The following ANGEL1 variants were observed in gnomAD, a reference collection of about 807,000 sequenced individuals.
The protein encoded by ANGEL1 is angel homolog 1, also known as RNA 2',3'-cyclic phosphatase ANGEL1.
Under a neutral mutation model 76.4 loss-of-function variants are expected in ANGEL1, and 62 were observed. That is an observed-to-expected ratio of 0.81 (90% CI 0.66 to 1.00). The LOEUF (loss-of-function observed/expected upper bound fraction) is 1.00. Ranked by LOEUF, ANGEL1 falls within the 50% of genes least tolerant of loss-of-function variation. The pLI, the probability that ANGEL1 is intolerant of heterozygous loss-of-function variation, is 0.00. For missense variants in ANGEL1, 737 were observed against 836.7 expected (o/e 0.88, Z 1.47); for synonymous variants, 340 against 331.7 (o/e 1.03, Z -0.27).
At chr14:76,797,601 A>G (rs775798159) in intron 7 of ANGEL1, among the ~76,000 whole-genome samples, 2 of 151,408 alleles carry the variant, frequency 1.3e-5, no homozygotes, top group Non-Finnish European at 3.0e-5. Context: ...CTCCGTCTCG[A>G]AAAAAAAAGA....
In ANGEL1 at chr14:76,809,312, T is replaced by C. The variant is rs1441919373; in HGVS notation, c.396A>G (p.Gly132=). The C allele has an allele frequency of 1.9e-6, 3 of 1,614,168 alleles. No homozygotes were observed. The highest frequency in any genetic ancestry group is 2.5e-6 in the Non-Finnish European group (3 of 1,180,010). Residue 132 remains glycine, a synonymous_variant, in exon 2 of 10, where the codon GGA becomes GGG. Transcript: ENST00000251089. The part of the protein sequence containing the change: ...NLDEPFPEML[G]EEPLLEVEGV... ...CCTCCACCTCCAGCAGTGGCTCCTC[T>C]CCTAGCATCTCAGGGAAAGGCTCAT...
At position 76,789,066 on chromosome 14, in the gene ANGEL1, A is replaced by C; in HGVS notation, c.*162T>G. On this transcript the variant is annotated 3_prime_UTR_variant, in exon 10 of 10. Transcript: ENST00000251089. Reference sequence around the variant, plus strand: ...AGGACCACAGGCAGAGAACGCAGCCAGGCCTGGAGAAAGTCTAACCGTGGG... The same window carrying C: ...AGGACCACAGGCAGAGAACGCAGCCCGGCCTGGAGAAAGTCTAACCGTGGG... 1.0e-6 allele frequency: 1 copy of C among 965,348 alleles called. No homozygotes were observed. Among genetic ancestry groups the C allele is most frequent in the Non-Finnish European group, 1.5e-6 (1 of 649,226 alleles). 59.8% of individuals were successfully genotyped at this position (965,348 alleles called of 1,614,324 possible).
At chr14:76,806,150 T>C (rs1894910903) in intron 5 of ANGEL1, among the ~76,000 whole-genome samples, 1 of 152,204 alleles carries the variant, frequency 6.6e-6, no homozygotes, top group Non-Finnish European at 1.5e-5. Flanking sequence ...CTGTATAATG[T>C]TTAAGTTCCT....
Position 76,809,548 on chromosome 14 carries a change from G to A in ANGEL1, c.160C>T (p.Gln54Ter). The A allele has an allele frequency of 6.2e-7, 1 of 1,614,210 alleles. No individual in the cohort carries two copies. Among genetic ancestry groups the A allele is most frequent in the Non-Finnish European group, 8.5e-7 (1 of 1,180,048 alleles). ...TGCAGCAGGCCCTCACATTCCTCCT[G>A]CTCAGGGCCCCGAGGGGCCATGGCA... ...DFAMAPRGPE[Q>*]EECEGLLQQW... Residue 54 changes from glutamine to a stop codon, truncating the protein, a stop_gained, in exon 2 of 10, where the codon CAG (glutamine) becomes TAG (stop). Coordinates refer to ENST00000251089, the MANE Select transcript of ANGEL1 (RefSeq NM_015305.4). LOFTEE classifies it high-confidence loss of function.
chr14:76,807,894 A>G (rs769704837), intron 3 of ANGEL1, 28 bp downstream of exon 3: 16 of 1,610,742 alleles, frequency 9.9e-6, no homozygotes, highest in Non-Finnish European at 1.4e-5. Context: ...GCAACAATGC[A>G]AGATGGCAAT....
chr14:76,788,314 G>A lies in ANGEL1; in HGVS notation c.*914C>T, dbSNP rs185452587. The A allele has an allele frequency of 9.2e-5, 14 of 152,348 alleles. No individual in the cohort carries two copies. The highest frequency in any genetic ancestry group is 9.1e-4 in the Admixed American group (14 of 15,304). 9.4% of individuals were successfully genotyped at this position (152,348 alleles called of 1,614,324 possible). A position where few individuals can be genotyped will look rare whatever the true frequency, so the allele number is the denominator to read the frequency against. On this transcript the variant is annotated 3_prime_UTR_variant, in exon 10 of 10. Coordinates refer to ENST00000251089, the MANE Select transcript of ANGEL1 (RefSeq NM_015305.4). Reference sequence around the variant, plus strand: ...GAGTCCAGTGAAACAAGAGTTTCCTGAAGACTCTTTCTCCTCCTAATCCTT... The same window carrying A: ...GAGTCCAGTGAAACAAGAGTTTCCTAAAGACTCTTTCTCCTCCTAATCCTT...
At chr14:76,803,647 C>T in intron 6 of ANGEL1, 139 bp downstream of exon 6, 1 of 1,392,542 alleles carries the variant, frequency 7.2e-7, no homozygotes, top group East Asian at 2.3e-5. Flanking sequence ...CATTGGACAG[C>T]CATTGGGAGG....
At chr14:76,808,211 C>G (rs1468999117) in intron 2 of ANGEL1, 63 bp from the exon 3 acceptor site, 2 of 1,373,580 alleles carry the variant, frequency 1.5e-6, no homozygotes, top group African/African-American at 2.9e-5. Context: ...GCTGCCATCT[C>G]CACTCCTGAC....
intron 5 of ANGEL1, among the ~76,000 whole-genome samples, chr14:76,805,679 G>T (rs1894898409): frequency 6.6e-6 from 1 of 152,156 alleles, no homozygotes; most frequent in Non-Finnish European, 1.5e-5. Flanking sequence ...AAAAAAACAA[G>T]CTACAAATGA....
chr14:76,792,907 G>C (rs1159842472), intron 7 of ANGEL1, among the ~76,000 whole-genome samples: 1 of 152,054 alleles, frequency 6.6e-6, no homozygotes, highest in East Asian at 1.9e-4. Context: ...AATTATGAAA[G>C]AAAAAGAAAT....
intron 7 of ANGEL1, among the ~76,000 whole-genome samples, chr14:76,794,515 C>CA (rs1181456912): frequency 6.6e-6 from 1 of 151,742 alleles, no homozygotes; most frequent in African/African-American, 2.4e-5. Context: ...ACTAAAAATA[C>CA]AAAAAATCAG....
intron 7 of ANGEL1, among the ~76,000 whole-genome samples, chr14:76,797,046 A>T (rs1894600606): frequency 1.3e-5 from 2 of 152,050 alleles, no homozygotes; most frequent in Admixed American, 6.6e-5. Context: ...GTTATACAGG[A>T]CTCAAGGCTT....
intron 1 of ANGEL1, chr14:76,812,473 G>A (rs1341337781): frequency 9.1e-6 from 11 of 1,204,700 alleles, no homozygotes; most frequent in African/African-American, 1.6e-5. Context: ...CCCAGGGCCA[G>A]GAAAGGGCCC....
At position 76,790,674 on chromosome 14, in the gene ANGEL1, G is replaced by C. The variant is rs750653385; in HGVS notation, c.1789C>G (p.Leu597Val). 1.9e-6 allele frequency: 3 copies of C among 1,614,104 alleles called. No individual in the cohort carries two copies. The South Asian group carries it at 3.3e-5, about 18-fold the overall frequency. ...AAGATGTAATCTACTGTCATTCCAA[G>C]ACCCAATGGCATTGTAGTGACCTCT... ...RPEVTTMPLGLGMTVDYIFFS... is the reference protein window; with the variant it reads ...RPEVTTMPLGVGMTVDYIFFS... Residue 597 changes from leucine to valine, a missense_variant, in exon 9 of 10, where the codon CTT becomes GTT. This residue lies in a region of ANGEL1 where 296 missense variants were observed against 387.2 expected (regional missense o/e 0.76). Coordinates refer to ENST00000251089, the MANE Select transcript of ANGEL1 (RefSeq NM_015305.4).
chr14:76,797,290 C>T (rs908761622), intron 7 of ANGEL1, among the ~76,000 whole-genome samples: 7 of 152,172 alleles, frequency 4.6e-5, no homozygotes, highest in African/African-American at 1.4e-4. Flanking sequence ...CTAAAAAGAA[C>T]TTTTCTGCTT....
Position 76,790,621 on chromosome 14 carries a change from C to G in ANGEL1, c.1842G>C (p.Gly614=), listed in dbSNP as rs752210142. The part of the protein sequence containing the change: ...IFFSAESCEN[G]NRTDHRLYRD... ...ATCCATCAGGCTTACCAGTTCTGTT[C>G]CCATTCTCACAGGACTCAGCTGAGA... The change falls in exon 9 of 10, where the codon GGG becomes GGC. Residue 614 remains glycine (G), a synonymous_variant. Coordinates refer to ENST00000251089, the MANE Select transcript of ANGEL1 (RefSeq NM_015305.4). 2.2e-5 allele frequency: 35 copies of G among 1,613,290 alleles called. No homozygotes were observed. The highest frequency in any genetic ancestry group is 3.0e-5 in the Non-Finnish European group (35 of 1,179,490).
In ANGEL1 at chr14:76,791,310, G is replaced by A; in HGVS notation, c.1675C>T (p.Pro559Ser). Residue 559 changes from proline to serine, a missense_variant, in exon 8 of 10, where the codon CCT (proline) becomes TCT (serine). Pro to Ser is a moderately conservative substitution (Grantham distance 74). Around this residue, in one of 2 missense-constraint regions of ANGEL1, gnomAD observed 296 missense variants for 387.2 expected, o/e 0.76. Transcript: ENST00000251089. The part of the protein sequence containing the change: ...VLEEDASELE[P>S]AFSRTVGTIQ... ...GGAGAAGGTTACCTGGAGAAGGCAG[G>A]CTCAAGCTCCGATGCATCTTCCTCA... 6.2e-7 allele frequency: 1 copy of A among 1,614,040 alleles called. No individual in the cohort carries two copies. The highest frequency in any genetic ancestry group is 8.5e-7 in the Non-Finnish European group (1 of 1,179,966).
At chr14:76,794,223 AC>A (rs1224798683) in intron 7 of ANGEL1, among the ~76,000 whole-genome samples, 1 of 152,162 alleles carries the variant, frequency 6.6e-6, no homozygotes, top group Admixed American at 6.5e-5. Context: ...TGGTCACACA[AC>A]CCGGAATATA....
In ANGEL1 at chr14:76,809,455, C is replaced by G. The variant is rs1566702268; in HGVS notation, c.253G>C (p.Gly85Arg). The G allele has an allele frequency of 3.1e-6, 5 of 1,614,096 alleles. No homozygotes were observed. Among genetic ancestry groups the G allele is most frequent in the Non-Finnish European group, 4.2e-6 (5 of 1,180,038 alleles). The change falls in exon 2 of 10, where the codon GGA becomes CGA. Residue 85 changes from glycine (G) to arginine (R), a missense_variant. Around this residue, in one of 2 missense-constraint regions of ANGEL1, gnomAD observed 441 missense variants for 449.5 expected, o/e 0.98. Transcript: ENST00000251089. The part of the protein sequence containing the change: ...TASEGPLIDK[G>R]LAQSSLALLM... ...AGTGCCAGGCTGCTCTGGGCTAGTC[C>G]TTTATCTATAAGGGGCCCCTCACTT...
Sources: allele counts gnomAD v4.1 joint callset (sites outside exome capture counted in the v4.1 genomes callset), GRCh38; gene constraint gnomAD v4.1.1; regional missense constraint gnomAD v4.1.1; transcripts MANE v1.5; gene names NCBI Gene and HGNC (gene_info 2026-07-23, HGNC 2026-07-21).